SAP30BP: variants seen among roughly 807,000 people sequenced by gnomAD.
The protein encoded by SAP30BP is SAP30 binding protein.
Under a neutral mutation model 46.3 loss-of-function variants are expected in SAP30BP, and 31 were observed. That is an observed-to-expected ratio of 0.67 (90% confidence interval 0.50 to 0.90). SAP30BP has a LOEUF of 0.90. Among genes scored for constraint, SAP30BP ranks in the 40% least tolerant of loss-of-function variants. SAP30BP has a pLI of 0.00. For missense variants in SAP30BP, 312 were observed against 391.0 expected (o/e 0.80, Z 1.70); for synonymous variants, 169 against 144.2 (o/e 1.17, Z -1.23).
At chr17:75,668,456 T>G in intron 1 of SAP30BP, 60 bp from the exon 2 acceptor site, 1 of 1,100,624 alleles carries the variant, frequency 9.1e-7, no homozygotes, top group Non-Finnish European at 1.3e-6. Context: ...TTTCTTACAT[T>G]GTAACTCTTG....
chr17:75,706,721 C>T lies in SAP30BP; in HGVS notation c.*200C>T. The T allele has an allele frequency of 1.7e-6, 1 of 587,442 alleles. No homozygotes were observed. Among genetic ancestry groups the T allele is most frequent in the Non-Finnish European group, 3.0e-6 (1 of 330,726 alleles). 36.4% of individuals were successfully genotyped at this position (587,442 alleles called of 1,614,324 possible). A position where few individuals can be genotyped will look rare whatever the true frequency, so the allele number is the denominator to read the frequency against. On this transcript the variant is annotated 3_prime_UTR_variant, in exon 11 of 11. Coordinates refer to ENST00000584667, the MANE Select transcript of SAP30BP (RefSeq NM_013260.8). The surrounding 1 kb of genome is among the most constrained non-coding windows in gnomAD (Gnocchi z 4.6). ...TGGACAGGGTCTGTCCACGCACCACCTGGGGTCTGCCGCCTATTAAAAGTG... is the reference window on the plus strand; with the variant it reads ...TGGACAGGGTCTGTCCACGCACCACTTGGGGTCTGCCGCCTATTAAAAGTG...
intron 8 of SAP30BP, 115 bp from the exon 9 acceptor site, chr17:75,704,641 A>T (rs2060466821): frequency 1.2e-6 from 1 of 805,062 alleles, no homozygotes; most frequent in Non-Finnish European, 2.2e-6. Context: ...CACAAAGAAC[A>T]CTGAGCCCAT....
chr17:75,668,747 T>C (rs1599082543), intron 2 of SAP30BP, 122 bp downstream of exon 2: 4 of 644,990 alleles, frequency 6.2e-6, no homozygotes, highest in South Asian at 5.9e-5. Context: ...CGTTTTGTTT[T>C]AGTATTAGTG....
intron 7 of SAP30BP, 134 bp from the exon 8 acceptor site, chr17:75,703,674 G>C: frequency 1.2e-6 from 1 of 824,678 alleles, no homozygotes; most frequent in South Asian, 1.5e-5. Flanking sequence ...CCGCCCCTTG[G>C]CTAAAGACCA....
intron 4 of SAP30BP, among the ~76,000 whole-genome samples, chr17:75,696,471 C>T (rs566208691): frequency 6.0e-5 from 9 of 151,124 alleles, no homozygotes; most frequent in African/African-American, 2.2e-4. Context: ...TTGAACCTGG[C>T]AGGTGGAGGT....
At chr17:75,705,052 C>T (rs550926037) in intron 9 of SAP30BP, 16 of 506,744 alleles carry the variant, frequency 3.2e-5, no homozygotes, top group African/African-American at 1.4e-4. Context: ...CTTTCCTCCC[C>T]GCCAATTGCA....
At chr17:75,705,978 G>A in intron 9 of SAP30BP, 30 bp from the exon 10 acceptor site, 1 of 1,610,258 alleles carries the variant, frequency 6.2e-7, no homozygotes, top group Non-Finnish European at 8.5e-7. Context: ...AGCTTTGCCT[G>A]GTCTTATTCT....
At chr17:75,680,925 T>C (rs910462803) in intron 3 of SAP30BP, among the ~76,000 whole-genome samples, 1 of 152,096 alleles carries the variant, frequency 6.6e-6, no homozygotes, top group African/African-American at 2.4e-5. Context: ...TCCCAGGTAC[T>C]TGGGAGGCTG....
intron 2 of SAP30BP, among the ~76,000 whole-genome samples, chr17:75,670,419 A>G (rs1029526001): frequency 1.3e-5 from 2 of 152,154 alleles, no homozygotes; most frequent in East Asian, 3.8e-4. Flanking sequence ...ATCCATTAAT[A>G]TTGATAATTC....
At chr17:75,669,782 G>T (rs922341185) in intron 2 of SAP30BP, among the ~76,000 whole-genome samples, 3 of 152,140 alleles carry the variant, frequency 2.0e-5, no homozygotes, top group African/African-American at 7.2e-5. Context: ...TTCAGTAGGT[G>T]CTGGAGAAAG....
chr17:75,703,488 G>GCACAGTCCCTGTCC, intron 7 of SAP30BP, 117 bp downstream of exon 7: 1 of 837,092 alleles, frequency 1.2e-6, no homozygotes, highest in Non-Finnish European at 2.0e-6. Context: ...CTCGTTGAAA[G>GCACAGTCCCTGTCC]CACAGTCCCT....
rs1478482362 is a variant in SAP30BP, at chr17:75,706,796, C to A, written c.*275C>A. ...CAGATGCACTGGCCTCTCCTGCATT[C>A]TGTTTGCAGGCAAATGCTTCAGCTC... is the stretch of plus-strand genomic sequence containing the variant. On this transcript the variant is annotated 3_prime_UTR_variant, in exon 11 of 11. Coordinates refer to ENST00000584667, the MANE Select transcript of SAP30BP (RefSeq NM_013260.8). The surrounding 1 kb of genome is among the most constrained non-coding windows in gnomAD (Gnocchi z 4.6). 2.1e-6 allele frequency: 1 copy of A among 482,690 alleles called. No homozygotes were observed. Among genetic ancestry groups the A allele is most frequent in the East Asian group, 3.5e-5 (1 of 28,310 alleles). 29.9% of individuals were successfully genotyped at this position (482,690 alleles called of 1,614,324 possible). A position where few individuals can be genotyped will look rare whatever the true frequency, so the allele number is the denominator to read the frequency against.
At chr17:75,703,242 G>A in intron 6 of SAP30BP, 69 bp from the exon 7 acceptor site, 1 of 1,444,528 alleles carries the variant, frequency 6.9e-7, no homozygotes, top group Non-Finnish European at 9.7e-7. Flanking sequence ...AGCCCCAGGA[G>A]CTGGATGGTT....
chr17:75,669,002 G>T (rs190578192), intron 2 of SAP30BP, among the ~76,000 whole-genome samples: 90 of 151,828 alleles, frequency 5.9e-4, no homozygotes, highest in Non-Finnish European at 1.0e-3. Flanking sequence ...TTTAATCTTG[G>T]TTGGGGCTCA....
At chr17:75,672,709 C>A (rs2059925197) in intron 3 of SAP30BP, among the ~76,000 whole-genome samples, 1 of 152,302 alleles carries the variant, frequency 6.6e-6, no homozygotes, top group East Asian at 1.9e-4. Context: ...GTAATCCCAG[C>A]ACTTTGGGAG....
intron 3 of SAP30BP, among the ~76,000 whole-genome samples, chr17:75,678,924 G>A (rs1411699232): frequency 3.9e-5 from 6 of 151,928 alleles, no homozygotes; most frequent in Non-Finnish European, 5.9e-5. Context: ...TGTGATCTCC[G>A]GCCACAAGTG....
At chr17:75,703,896 C>G in intron 8 of SAP30BP, 37 bp downstream of exon 8, 2 of 1,445,228 alleles carry the variant, frequency 1.4e-6, no homozygotes, top group Non-Finnish European at 1.9e-6. Flanking sequence ...ACCTTGTCCG[C>G]CCACCCGACT....
intron 3 of SAP30BP, among the ~76,000 whole-genome samples, chr17:75,687,199 C>T (rs1210987003): frequency 6.6e-6 from 1 of 152,200 alleles, no homozygotes; most frequent in Non-Finnish European, 1.5e-5. Flanking sequence ...ATCCTCAATG[C>T]TTGGCCCATT....
intron 3 of SAP30BP, among the ~76,000 whole-genome samples, chr17:75,678,860 G>A (rs1404459042): frequency 3.3e-5 from 5 of 152,204 alleles, no homozygotes; most frequent in Non-Finnish European, 5.9e-5. Flanking sequence ...AGGCAGACCT[G>A]AAGCCGCGCG....
Sources: gnomAD v4.1 joint callset for allele counts (sites outside exome capture counted in the v4.1 genomes callset) on GRCh38, gnomAD v4.1.1 for gene constraint, Gnocchi (gnomAD v3.1) non-coding constraint, MANE v1.5 for transcripts, NCBI Gene and HGNC (gene_info 2026-07-23, HGNC 2026-07-21) for gene names.